Variants in SLC25A21 observed in about 807,000 individuals in gnomAD.
SLC25A21 encodes the protein mitochondrial 2-oxodicarboxylate carrier.
Under a neutral mutation model 43.8 loss-of-function variants are expected in SLC25A21, and 47 were observed. That is an observed-to-expected ratio of 1.07 (90% confidence interval 0.85 to 1.37). The LOEUF is 1.37. Ranked by LOEUF, SLC25A21 falls within the 40% of genes most tolerant of loss-of-function variation. The probability of loss-of-function intolerance (pLI) is 0.00; values close to 1 mark genes in which losing one functional copy is unlikely to be tolerated. For missense variants in SLC25A21, 352 were observed against 350.2 expected, an observed-to-expected ratio of 1.00 and a Z score of -0.04; for synonymous variants, 131 against 121.3, an observed-to-expected ratio of 1.08 and a Z score of -0.52.
intron 1 of SLC25A21, among the ~76,000 whole-genome samples, chr14:36,905,764 T>C (rs1891517604): frequency 1.3e-5 from 2 of 152,228 alleles, no homozygotes; most frequent in South Asian, 4.1e-4. Context: ...GAAGGACATC[T>C]GACCAGATTC....
chr14:36,748,741 C>T (rs1885593595), intron 3 of SLC25A21, among the ~76,000 whole-genome samples: 1 of 152,112 alleles, frequency 6.6e-6, no homozygotes, highest in Admixed American at 6.5e-5. Flanking sequence ...AGTTATCCAC[C>T]ATATGCTGAT....
intron 1 of SLC25A21, among the ~76,000 whole-genome samples, chr14:36,900,185 C>T (rs1891359962): frequency 6.6e-6 from 1 of 151,938 alleles, no homozygotes; most frequent in Non-Finnish European, 1.5e-5. Flanking sequence ...CACCTCCTGT[C>T]CTGTCATCTT....
At chr14:36,852,737 G>A (rs1889781126) in intron 2 of SLC25A21, among the ~76,000 whole-genome samples, 1 of 152,002 alleles carries the variant, frequency 6.6e-6, no homozygotes, top group South Asian at 2.1e-4. Flanking sequence ...TCACATGTTA[G>A]GCACAATACT....
intron 1 of SLC25A21, among the ~76,000 whole-genome samples, chr14:36,893,042 A>G (rs1251140199): frequency 6.6e-6 from 1 of 152,228 alleles, no homozygotes; most frequent in Non-Finnish European, 1.5e-5. Context: ...AGCATGATTT[A>G]TAATCCTTTG....
intron 6 of SLC25A21, among the ~76,000 whole-genome samples, chr14:36,719,949 G>A (rs898350608): frequency 6.6e-6 from 1 of 152,048 alleles, no homozygotes; most frequent in African/African-American, 2.4e-5. Flanking sequence ...CCTATTATTC[G>A]GCTGCCATGA....
chr14:36,868,609 A>G (rs1424849401), intron 2 of SLC25A21, among the ~76,000 whole-genome samples: 1 of 152,016 alleles, frequency 6.6e-6, no homozygotes, highest in Non-Finnish European at 1.5e-5. Context: ...ATACAAAGTG[A>G]GTTTGAAGCA....
rs1397904925 is a variant in SLC25A21 at position 36,776,234 on chromosome 14, C to CTTTT, written c.203+37683_203+37684insAAAA. On this transcript the variant is annotated intron_variant, in intron 3 of 9. Transcript: ENST00000331299. ...CTTTCTTTTTTCTTTTTCTTTCTTTCTTTCTTTTTTTTTTTTTTTTGAGAT... is the reference window on the plus strand; with the variant it reads ...CTTTCTTTTTTCTTTTTCTTTCTTTCTTTTTTTCTTTTTTTTTTTTTTTTGAGAT... Among the ~76,000 whole-genome samples, 542 of 75,638 alleles carry CTTTT rather than the reference C, an allele frequency of 7.2e-3. 41 individuals carry two copies. The highest frequency in any genetic ancestry group is 0.03 in the African/African-American group (518 of 17,462). 49.6% of individuals were successfully genotyped at this position (75,638 alleles called of 152,430 possible). A position where few individuals can be genotyped will look rare whatever the true frequency, so the allele number is the denominator to read the frequency against.
chr14:36,906,038 A>G (rs1225831976), intron 1 of SLC25A21, among the ~76,000 whole-genome samples: 2 of 152,208 alleles, frequency 1.3e-5, no homozygotes, highest in African/African-American at 4.8e-5. Flanking sequence ...ATTCAAAATA[A>G]TTTGTCCTAA....
At chr14:36,778,034 T>A (rs1167548185) in intron 3 of SLC25A21, among the ~76,000 whole-genome samples, 1 of 152,180 alleles carries the variant, frequency 6.6e-6, no homozygotes, top group African/African-American at 2.4e-5. Flanking sequence ...TGTTCCACAC[T>A]GCTGACTCCT....
At chr14:36,768,973 A>G (rs74324884) in intron 3 of SLC25A21, among the ~76,000 whole-genome samples, 9 of 148,488 alleles carry the variant, frequency 6.1e-5, no homozygotes, top group Admixed American at 1.4e-4. Context: ...ATCTATATCT[A>G]TATCTATATC....
At chr14:37,059,914 A>T in intron 1 of SLC25A21, among the ~76,000 whole-genome samples, 1 of 152,188 alleles carries the variant, frequency 6.6e-6, no homozygotes, top group Admixed American at 6.5e-5. Flanking sequence ...TGGCACAAAC[A>T]AAAGTGTGTT....
At chr14:36,870,811 A>C (rs1890348321) in intron 2 of SLC25A21, 2 of 152,176 alleles carry the variant, frequency 1.3e-5, no homozygotes, top group South Asian at 4.1e-4. Context: ...AGGACATGGT[A>C]GGGGAATGAT....
chr14:37,140,829 T>A (rs1429473599), intron 1 of SLC25A21, among the ~76,000 whole-genome samples: 2 of 143,770 alleles, frequency 1.4e-5, no homozygotes, highest in Non-Finnish European at 3.1e-5. Context: ...AGTCTGGTGG[T>A]ACCATTTTTT....
intron 2 of SLC25A21, among the ~76,000 whole-genome samples, chr14:36,821,199 G>A (rs1442345726): frequency 6.6e-6 from 1 of 152,086 alleles, no homozygotes; most frequent in African/African-American, 2.4e-5. Flanking sequence ...TTCCCACCAT[G>A]TATGTTTCTT....
chr14:36,858,388 G>A (rs868450489), intron 2 of SLC25A21, among the ~76,000 whole-genome samples: 33 of 152,318 alleles, frequency 2.2e-4, no homozygotes, highest in Middle Eastern at 3.4e-3. Flanking sequence ...CCACCAGAAA[G>A]TGTCGGCCTC....
intron 1 of SLC25A21, chr14:36,952,282 T>A (rs899657090): frequency 6.5e-6 from 1 of 153,876 alleles, no homozygotes; most frequent in Non-Finnish European, 1.5e-5. Flanking sequence ...AATAAATAAA[T>A]GATTGTCTTC....
At chr14:36,936,683 G>T (rs1443591966) in intron 1 of SLC25A21, among the ~76,000 whole-genome samples, 3 of 152,138 alleles carry the variant, frequency 2.0e-5, no homozygotes, top group Non-Finnish European at 4.4e-5. Flanking sequence ...GGAATGCCAA[G>T]AACGGTAATA....
intron 1 of SLC25A21, among the ~76,000 whole-genome samples, chr14:37,027,509 TTA>T: frequency 6.6e-6 from 1 of 152,190 alleles, no homozygotes. Context: ...GACCTAGATT[TTA>T]TCTCTTTGTG....
intron 1 of SLC25A21, among the ~76,000 whole-genome samples, chr14:36,921,937 G>C (rs1302832044): frequency 2.6e-5 from 4 of 152,036 alleles, no homozygotes; most frequent in African/African-American, 9.7e-5. Context: ...CTGAGGTCAG[G>C]AGTTCGAGAC....
Sources: allele counts gnomAD v4.1 joint callset (sites outside exome capture counted in the v4.1 genomes callset), GRCh38; gene constraint gnomAD v4.1.1; transcripts MANE v1.5; gene names NCBI Gene and HGNC (gene_info 2026-07-23, HGNC 2026-07-21).